SLC8A1: variants seen among roughly 807,000 people sequenced by gnomAD.
The protein encoded by SLC8A1 is solute carrier family 8 member A1.
A neutral mutation model predicts 68.3 loss-of-function variants in SLC8A1; 18 were observed. The ratio of observed to expected loss-of-function variants is 0.26; its 90% confidence interval spans 0.18 to 0.39. The LOEUF (loss-of-function observed/expected upper bound fraction) is 0.39. Among genes scored for constraint, SLC8A1 ranks in the 10% least tolerant of loss-of-function variants. The pLI, the probability that SLC8A1 is intolerant of heterozygous loss-of-function variation, is 1.00. For synonymous variants in SLC8A1, 475 were observed against 415.5 expected (o/e 1.14, Z -1.74); for missense variants, 985 against 1,156.7 (o/e 0.85, Z 2.15).
chr2:40,165,774 TG>T (rs1279853278), intron 4 of SLC8A1, among the ~76,000 whole-genome samples: 1 of 152,140 alleles, frequency 6.6e-6, no homozygotes, highest in Non-Finnish European at 1.5e-5. Context: ...GAAATGTTAA[TG>T]GATCCAAGAG....
chr2:40,211,824 G>A (rs1477681342), intron 2 of SLC8A1, among the ~76,000 whole-genome samples: 1 of 152,114 alleles, frequency 6.6e-6, no homozygotes, highest in African/African-American at 2.4e-5. Flanking sequence ...ACAGAATCCG[G>A]ATCACTTTAG....
chr2:40,367,658 C>G (rs1175608506), intron 2 of SLC8A1, among the ~76,000 whole-genome samples: 1 of 151,970 alleles, frequency 6.6e-6, no homozygotes, highest in South Asian at 2.1e-4. Context: ...CTAGATGCCT[C>G]CAGACTGTCA....
At chr2:40,483,341 C>T (rs1704761949) in intron 1 of SLC8A1, among the ~76,000 whole-genome samples, 1 of 151,502 alleles carries the variant, frequency 6.6e-6, no homozygotes, top group African/African-American at 2.4e-5. Context: ...AAAGAAGATA[C>T]ACATCTGGCC....
At chr2:40,416,324 A>C (rs1445110158) in intron 2 of SLC8A1, among the ~76,000 whole-genome samples, 1 of 152,190 alleles carries the variant, frequency 6.6e-6, no homozygotes, top group Non-Finnish European at 1.5e-5. Flanking sequence ...TAACATATAT[A>C]ATTCTACAAG....
intron 2 of SLC8A1, among the ~76,000 whole-genome samples, chr2:40,402,438 G>A (rs191085861): frequency 6.6e-6 from 1 of 152,308 alleles, no homozygotes; most frequent in East Asian, 1.9e-4. Context: ...TCTGAGTAGA[G>A]AGTAGCCATT....
At chr2:40,223,950 G>C (rs1324295971) in intron 2 of SLC8A1, among the ~76,000 whole-genome samples, 1 of 152,078 alleles carries the variant, frequency 6.6e-6, no homozygotes, top group African/African-American at 2.4e-5. Flanking sequence ...CAGAGACAAA[G>C]CAGGAGGAGC....
intron 2 of SLC8A1, among the ~76,000 whole-genome samples, chr2:40,335,291 A>T (rs1049301124): frequency 5.9e-5 from 9 of 152,232 alleles, no homozygotes; most frequent in Non-Finnish European, 1.2e-4. Flanking sequence ...ATGTGCTCAT[A>T]TATTTTTCTA....
intron 2 of SLC8A1, among the ~76,000 whole-genome samples, chr2:40,424,227 T>C (rs1407731410): frequency 6.6e-6 from 1 of 151,802 alleles, no homozygotes; most frequent in Admixed American, 6.6e-5. Flanking sequence ...ATCCTTCTGT[T>C]CTGATCACTT....
At chr2:40,113,378 A>C (rs1460802620) in exon 8 of SLC8A1, 1 of 152,768 alleles carries the variant, frequency 6.5e-6, no homozygotes, top group Non-Finnish European at 1.5e-5. Context: ...TAGTGGACTC[A>C]CTACTTTGGA....
At chr2:40,170,896 C>A (rs1327304830) in intron 4 of SLC8A1, among the ~76,000 whole-genome samples, 1 of 152,140 alleles carries the variant, frequency 6.6e-6, no homozygotes, top group Non-Finnish European at 1.5e-5. Context: ...ATAGTACCTG[C>A]TCTGTCTAAG....
At chr2:40,204,670 C>G (rs1308616974) in intron 2 of SLC8A1, among the ~76,000 whole-genome samples, 1 of 151,658 alleles carries the variant, frequency 6.6e-6, no homozygotes, top group African/African-American at 2.4e-5. Context: ...ACAGGTTAGT[C>G]CAACAGAAAT....
intron 6 of SLC8A1, among the ~76,000 whole-genome samples, chr2:40,141,978 G>T (rs2041653682): frequency 6.6e-6 from 1 of 152,072 alleles, no homozygotes; most frequent in Non-Finnish European, 1.5e-5. Context: ...CTTGATCTCA[G>T]ATTTTCAGTT....
intron 2 of SLC8A1, among the ~76,000 whole-genome samples, chr2:40,265,271 T>C (rs2065221016): frequency 6.6e-6 from 1 of 152,192 alleles, no homozygotes; most frequent in Non-Finnish European, 1.5e-5. Context: ...CATAGCTTAT[T>C]CTAACTTTCC....
intron 2 of SLC8A1, among the ~76,000 whole-genome samples, chr2:40,205,664 GGA>G (rs899865454): frequency 6.6e-6 from 1 of 151,940 alleles, no homozygotes; most frequent in African/African-American, 2.4e-5. Context: ...GAAGGTGGGA[GGA>G]GAGAGAGGAT....
At chr2:40,438,458 G>T (rs999152717) in intron 1 of SLC8A1, among the ~76,000 whole-genome samples, 6 of 152,094 alleles carry the variant, frequency 3.9e-5, no homozygotes. Flanking sequence ...AGCCTCTATG[G>T]AGTAGCTTCT....
chr2:40,469,717 G>C (rs952284663), intron 1 of SLC8A1, among the ~76,000 whole-genome samples: 1 of 151,852 alleles, frequency 6.6e-6, no homozygotes, highest in Non-Finnish European at 1.5e-5. Flanking sequence ...TCTGTCCCCT[G>C]TCTTTCCTAT....
intron 2 of SLC8A1, among the ~76,000 whole-genome samples, chr2:40,324,593 C>G (rs575215400): frequency 1.3e-5 from 2 of 152,198 alleles, no homozygotes; most frequent in East Asian, 3.9e-4. Flanking sequence ...GGGTTTTAGT[C>G]TCCACAAAGT....
exon 8 of SLC8A1, chr2:40,107,112 TC>T (rs2034246418): frequency 6.6e-6 from 1 of 151,800 alleles, no homozygotes; most frequent in Non-Finnish European, 1.5e-5. Context: ...GTCAAAGATG[TC>T]CCGGTATGTG....
intron 2 of SLC8A1, among the ~76,000 whole-genome samples, chr2:40,303,840 C>T (rs1416044595): frequency 6.6e-6 from 1 of 152,116 alleles, no homozygotes; most frequent in African/African-American, 2.4e-5. Flanking sequence ...CTGAAGGTAA[C>T]GTGAAGCAGG....
Sources: allele counts gnomAD v4.1 joint callset (sites outside exome capture counted in the v4.1 genomes callset), GRCh38; gene constraint gnomAD v4.1.1; transcripts MANE v1.5; gene names NCBI Gene and HGNC (gene_info 2026-07-23, HGNC 2026-07-21).